The following THRA variants were observed in gnomAD, a reference collection of about 807,000 sequenced individuals.
THRA encodes thyroid hormone receptor alpha.
Under a neutral mutation model 45.0 loss-of-function variants are expected in THRA, and 13 were observed. That is an observed-to-expected ratio of 0.29 (90% CI 0.19 to 0.46). The LOEUF (loss-of-function observed/expected upper bound fraction) is 0.46, where lower values mean the gene tolerates loss of function less well. Ranked by LOEUF, THRA falls within the 20% of genes least tolerant of loss-of-function variation. The probability of loss-of-function intolerance (pLI) is 1.00; values close to 1 mark genes in which losing one functional copy is unlikely to be tolerated. For synonymous variants in THRA, 195 were observed against 214.0 expected (o/e 0.91, Z 0.78); for missense variants, 278 against 556.1 (o/e 0.50, Z 5.03).
intron 4 of THRA, among the ~76,000 whole-genome samples, chr17:40,080,482 A>G (rs988812908): frequency 6.6e-6 from 1 of 152,110 alleles, no homozygotes; most frequent in African/African-American, 2.4e-5. Flanking sequence ...CTTGATGTCA[A>G]CCAAACCAAG....
At chr17:40,093,361 A>G (rs1222093087), downstream of THRA, 2 of 1,611,804 alleles carry the variant, frequency 1.2e-6, no homozygotes, top group South Asian at 1.1e-5. The surrounding 1 kb of genome is among the most constrained non-coding windows in gnomAD (Gnocchi z 5.9). Flanking sequence ...AGGACCTGGC[A>G]GGCAATGCAG....
intron 1 of THRA, among the ~76,000 whole-genome samples, chr17:40,063,621 C>T (rs1031844176): frequency 6.6e-6 from 1 of 152,232 alleles, no homozygotes; most frequent in South Asian, 2.1e-4. Context: ...GCCTCACCCG[C>T]CTCCCGGTTG....
intron 1 of THRA, among the ~76,000 whole-genome samples, chr17:40,069,326 G>C (rs1049604687): frequency 2.0e-5 from 3 of 148,766 alleles, no homozygotes; most frequent in Non-Finnish European, 3.0e-5. Flanking sequence ...TGCCAGTTCT[G>C]CTTGGTTAGG....
At chr17:40,065,775 G>A (rs926858952) in intron 1 of THRA, among the ~76,000 whole-genome samples, 1 of 74,218 alleles carries the variant, frequency 1.3e-5, no homozygotes. Flanking sequence ...TGGGGGAAGG[G>A]GGGGGGGGTC....
At chr17:40,064,950 G>A (rs1420767495) in intron 1 of THRA, among the ~76,000 whole-genome samples, 2 of 152,132 alleles carry the variant, frequency 1.3e-5, no homozygotes, top group Admixed American at 6.5e-5. Context: ...CTGTGCAGCC[G>A]AGCACACACT....
chr17:40,082,487 A>G (rs1314923382), intron 4 of THRA, among the ~76,000 whole-genome samples: 1 of 151,094 alleles, frequency 6.6e-6, no homozygotes, highest in East Asian at 2.0e-4. Context: ...CTCCTGCCTC[A>G]GCCTCCCGAG....
chr17:40,092,355 A>G lies in THRA; in HGVS notation c.*2899A>G, dbSNP rs1987605090. ...GGACACTGCCCAGAGGCGCTACTGA[A>G]TGTATGAGAAGCTGGTGCTGGGCTG... On this transcript the variant is annotated 3_prime_UTR_variant, in exon 9 of 9. Transcript: ENST00000450525. 1 of 140,074 alleles carries G rather than the reference A, an allele frequency of 7.1e-6. No homozygotes were observed. The highest frequency in any genetic ancestry group is 7.0e-5 in the Admixed American group (1 of 14,206). The allele number at this position is 140,074 out of a possible 1,614,324, so 8.7% of individuals were successfully genotyped here.
Position 40,092,886 on chromosome 17 carries a change from G to C in THRA, c.*3430G>C. The C allele has an allele frequency of 7.7e-7, 1 of 1,302,500 alleles. No individual in the cohort carries two copies. Among genetic ancestry groups the C allele is most frequent in the Non-Finnish European group, 1.0e-6 (1 of 963,180 alleles). 80.7% of individuals were successfully genotyped at this position (1,302,500 alleles called of 1,614,324 possible). ...GAGACAGAGTGGTTTAAATAGGGGAGGAGGGGAAGTTCGGTGATGGGGGAG... is the reference window on the plus strand; with the variant it reads ...GAGACAGAGTGGTTTAAATAGGGGACGAGGGGAAGTTCGGTGATGGGGGAG... On this transcript the variant is annotated 3_prime_UTR_variant, in exon 9 of 9. Coordinates refer to ENST00000450525, the MANE Select transcript of THRA (RefSeq NM_199334.5).
At chr17:40,093,222 G>A, downstream of THRA, 2 of 1,613,680 alleles carry the variant, frequency 1.2e-6, no homozygotes, top group Non-Finnish European at 1.7e-6. The surrounding 1 kb of genome is among the most constrained non-coding windows in gnomAD (Gnocchi z 5.9). Context: ...AGCCCGAAGA[G>A]CCCGCAGCAG....
chr17:40,079,525 T>C (rs1412951395), intron 4 of THRA, among the ~76,000 whole-genome samples: 3 of 152,014 alleles, frequency 2.0e-5, no homozygotes, highest in Non-Finnish European at 4.4e-5. Context: ...AGAGGCCTAA[T>C]TAGATTTCAC....
chr17:40,065,053 T>C (rs923150965), intron 1 of THRA, among the ~76,000 whole-genome samples: 30 of 151,776 alleles, frequency 2.0e-4, no homozygotes, highest in African/African-American at 6.3e-4. Context: ...GCTGTTTTTT[T>C]TTTCTTTCTT....
chr17:40,074,446 T>A lies in THRA; in HGVS notation c.-43T>A. ...GGGGGGGCCAGTGTGCCCACCCCAG[T>A]CTCTTGGCGTGCTGGAGGGCATCCT... On this transcript the variant is annotated 5_prime_UTR_variant, in exon 2 of 9. Coordinates refer to ENST00000450525, the MANE Select transcript of THRA (RefSeq NM_199334.5). 2 of 1,612,410 alleles carry A rather than the reference T, an allele frequency of 1.2e-6. No homozygotes were observed.
rs553007837 is a variant in THRA, at chr17:40,063,253, G to T, written c.-298+161G>T. 2.6e-5 allele frequency among the ~76,000 whole-genome samples: 4 copies of T among 152,302 alleles called. No individual in the cohort carries two copies. In the South Asian group the frequency reaches 8.3e-4, roughly 32 times the overall value. ...CCTGGCGCCCCAGTGACCCTGTCAC[G>T]AGCCCGGGAGCTTGCAACTGACGCC... On this transcript the variant is annotated intron_variant, in intron 1 of 8. Transcript: ENST00000450525.
intron 7 of THRA, chr17:40,087,097 C>CACACAT (rs1987346378): frequency 1.9e-6 from 1 of 514,446 alleles, no homozygotes; most frequent in African/African-American, 2.0e-5. Context: ...CGTACACAGA[C>CACACAT]ACACATACAC....
chr17:40,093,318 C>T (rs1567658592), downstream of THRA: 13 of 1,613,332 alleles, frequency 8.1e-6, no homozygotes, highest in East Asian at 2.2e-5. The surrounding 1 kb of genome is among the most constrained non-coding windows in gnomAD (Gnocchi z 5.9). Context: ...GCGGACTCCC[C>T]GAGCTCCTCT....
chr17:40,069,021 TC>T (rs1986672781), intron 1 of THRA: 1 of 152,516 alleles, frequency 6.6e-6, no homozygotes, highest in Non-Finnish European at 1.5e-5. Context: ...AGTGTGTGTG[TC>T]TGCACGTGTC....
downstream of THRA, chr17:40,093,477 G>A (rs1270192648): frequency 3.3e-5 from 49 of 1,480,216 alleles, no homozygotes; most frequent in Non-Finnish European, 4.0e-5. This position sits in a 1 kb window ranked among gnomAD's most constrained non-coding sequence, Gnocchi z 5.9. Context: ...AGCTGGGAGC[G>A]TGGGCTCAGC....
chr17:40,078,972 C>T (rs567582188), intron 4 of THRA, among the ~76,000 whole-genome samples: 15 of 152,054 alleles, frequency 9.9e-5, no homozygotes, highest in Admixed American at 4.6e-4. Flanking sequence ...CCTCGTGATC[C>T]GCCCGCCTTG....
chr17:40,063,478 T>G (rs909556803), intron 1 of THRA, among the ~76,000 whole-genome samples: 4 of 151,538 alleles, frequency 2.6e-5, no homozygotes, highest in Non-Finnish European at 5.9e-5. Flanking sequence ...GCCGGAGGCC[T>G]GCCCCCCCAG....
Sources: allele counts gnomAD v4.1 joint callset (sites outside exome capture counted in the v4.1 genomes callset), GRCh38; gene constraint gnomAD v4.1.1; non-coding constraint Gnocchi (gnomAD v3.1); transcripts MANE v1.5; gene names NCBI Gene and HGNC (gene_info 2026-07-23, HGNC 2026-07-21).